CSMD3: variants seen among roughly 807,000 people sequenced by gnomAD.
CSMD3 encodes the protein CUB and sushi domain-containing protein 3.
In CSMD3, 177 loss-of-function variants were observed where a neutral mutation model predicts 435.2. The ratio of observed to expected loss-of-function variants is 0.41; its 90% CI spans 0.36 to 0.46. The LOEUF (loss-of-function observed/expected upper bound fraction) is 0.46. CSMD3 is among the 20% of genes least tolerant of loss of function. The pLI is 0.34. For missense variants in CSMD3, 4,265 were observed against 4,504.6 expected, an observed-to-expected ratio of 0.95 and a Z score of 1.52; for synonymous variants, 1,656 against 1,520.5, an observed-to-expected ratio of 1.09 and a Z score of -2.07.
chr8:112,925,495 G>A (rs2082881876), intron 9 of CSMD3, among the ~76,000 whole-genome samples: 1 of 151,952 alleles, frequency 6.6e-6, no homozygotes. Context: ...CCCGGGAAGT[G>A]GAACTTGCAG....
intron 32 of CSMD3, among the ~76,000 whole-genome samples, chr8:112,468,244 T>G (rs1345140624): frequency 1.3e-5 from 2 of 151,480 alleles, no homozygotes; most frequent in African/African-American, 4.8e-5. Flanking sequence ...ATTTTTTTTT[T>G]TTTTTTTTTT....
At chr8:113,370,020 A>G (rs1588614983) in intron 1 of CSMD3, among the ~76,000 whole-genome samples, 1 of 151,880 alleles carries the variant, frequency 6.6e-6, no homozygotes, top group South Asian at 2.1e-4. Flanking sequence ...GTCAATGATG[A>G]TATACTGCAT....
chr8:112,591,095 C>T (rs572389682), intron 22 of CSMD3, among the ~76,000 whole-genome samples: 4 of 152,076 alleles, frequency 2.6e-5, no homozygotes, highest in African/African-American at 9.6e-5. Flanking sequence ...GTACTTAGTG[C>T]TCTTTTTAGC....
chr8:112,280,691 A>G (rs1818545578), intron 59 of CSMD3, among the ~76,000 whole-genome samples: 1 of 152,194 alleles, frequency 6.6e-6, no homozygotes, highest in African/African-American at 2.4e-5. Flanking sequence ...TAATTTTATT[A>G]TAATGCAGAA....
At chr8:112,901,218 A>G (rs2082101413) in intron 10 of CSMD3, among the ~76,000 whole-genome samples, 1 of 151,364 alleles carries the variant, frequency 6.6e-6, no homozygotes, top group South Asian at 2.1e-4. Flanking sequence ...CTTGATAAGG[A>G]AACATGACAA....
intron 10 of CSMD3, among the ~76,000 whole-genome samples, chr8:112,877,523 C>A (rs2081320866): frequency 6.6e-6 from 1 of 152,106 alleles, no homozygotes; most frequent in African/African-American, 2.4e-5. Flanking sequence ...TCGCCTCAGC[C>A]TCCCAAAGTG....
At chr8:113,247,943 T>C (rs2093293031) in intron 3 of CSMD3, among the ~76,000 whole-genome samples, 1 of 152,096 alleles carries the variant, frequency 6.6e-6, no homozygotes, top group Non-Finnish European at 1.5e-5. Flanking sequence ...TAGGTCATAT[T>C]ATCTTTTGCA....
chr8:113,403,648 C>T (rs1398842535), intron 1 of CSMD3, among the ~76,000 whole-genome samples: 3 of 151,334 alleles, frequency 2.0e-5, no homozygotes, highest in Non-Finnish European at 3.0e-5. Context: ...CTGTGAAACT[C>T]CTTATAAAAT....
chr8:112,247,253 A>C (rs1003731289), intron 63 of CSMD3, 122 bp from the exon 64 acceptor site: 6 of 665,852 alleles, frequency 9.0e-6, no homozygotes, highest in African/African-American at 7.3e-5. Context: ...GGAAGAAAAA[A>C]ATAATTGAAA....
At chr8:112,835,857 T>C (rs532909915) in intron 11 of CSMD3, among the ~76,000 whole-genome samples, 1 of 151,928 alleles carries the variant, frequency 6.6e-6, no homozygotes, top group Admixed American at 6.6e-5. Context: ...TTCTATTACA[T>C]TCCAAGCTTA....
chr8:112,701,001 C>A (rs1446409887), intron 13 of CSMD3, among the ~76,000 whole-genome samples: 1 of 152,112 alleles, frequency 6.6e-6, no homozygotes, highest in Non-Finnish European at 1.5e-5. Context: ...GAGGCTGTGG[C>A]CAGCTCAGTA....
intron 1 of CSMD3, among the ~76,000 whole-genome samples, chr8:113,382,243 A>G (rs1396597979): frequency 6.6e-6 from 1 of 152,174 alleles, no homozygotes; most frequent in Non-Finnish European, 1.5e-5. Context: ...TAATTAAGAC[A>G]ATGTTAATTT....
At chr8:113,092,614 A>T (rs1333120544) in intron 5 of CSMD3, among the ~76,000 whole-genome samples, 1 of 152,128 alleles carries the variant, frequency 6.6e-6, no homozygotes, top group East Asian at 1.9e-4. Context: ...TTTGTTTAAG[A>T]GGTAGCTGAT....
At chr8:112,502,889 T>C (rs940220932) in intron 30 of CSMD3, among the ~76,000 whole-genome samples, 3 of 152,188 alleles carry the variant, frequency 2.0e-5, no homozygotes, top group Non-Finnish European at 4.4e-5. Flanking sequence ...GACTCAGTAA[T>C]TGAAAAATAA....
At chr8:112,408,749 A>G (rs1277827375) in intron 33 of CSMD3, among the ~76,000 whole-genome samples, 170 bp downstream of exon 33, 1 of 151,920 alleles carries the variant, frequency 6.6e-6, no homozygotes, top group Non-Finnish European at 1.5e-5. Flanking sequence ...TATTTTTCTC[A>G]ACCTTCTGAG....
intron 63 of CSMD3, among the ~76,000 whole-genome samples, chr8:112,249,261 T>A (rs1815044423): frequency 6.6e-6 from 1 of 152,098 alleles, no homozygotes; most frequent in Non-Finnish European, 1.5e-5. Flanking sequence ...CTTCCTTTTT[T>A]CTCCAGTTTA....
intron 5 of CSMD3, among the ~76,000 whole-genome samples, chr8:113,064,129 T>G (rs2088742873): frequency 6.6e-6 from 1 of 151,478 alleles, no homozygotes; most frequent in Non-Finnish European, 1.5e-5. Flanking sequence ...ACTATACTAT[T>G]TATTATAGTT....
chr8:113,127,014 CACACCAGGTG>C (rs2091152378), intron 4 of CSMD3, among the ~76,000 whole-genome samples: 1 of 151,940 alleles, frequency 6.6e-6, no homozygotes, highest in South Asian at 2.1e-4. Flanking sequence ...CTCACTTTCC[CACACCAGGTG>C]ACAATTTCTA....
At chr8:113,155,113 T>C (rs2091905549) in intron 4 of CSMD3, among the ~76,000 whole-genome samples, 1 of 152,030 alleles carries the variant, frequency 6.6e-6, no homozygotes, top group Admixed American at 6.6e-5. Context: ...AAAAATTTAA[T>C]AGTTACTGTA....
Sources: allele counts gnomAD v4.1 joint callset (sites outside exome capture counted in the v4.1 genomes callset), GRCh38; gene constraint gnomAD v4.1.1; transcripts MANE v1.5; gene names NCBI Gene and HGNC (gene_info 2026-07-23, HGNC 2026-07-21).